Variants in LYRM4 observed in about 807,000 individuals in gnomAD.
The protein encoded by LYRM4 is LYR motif containing 4.
In LYRM4, 9 loss-of-function variants were observed where a neutral mutation model predicts 11.7. The observed-to-expected ratio is 0.77, with a 90% CI of 0.46 to 1.34. LYRM4 has a LOEUF of 1.34. Ranked by LOEUF, LYRM4 falls within the 40% of genes most tolerant of loss-of-function variation. The pLI is 0.00. For missense variants in LYRM4, 133 were observed against 112.5 expected (o/e 1.18, Z -0.82); for synonymous variants, 42 against 40.4 (o/e 1.04, Z -0.15).
At chr6:5,092,441 G>A in the LYRM4 span, among the ~76,000 whole-genome samples, 1 of 152,134 alleles carries the variant, frequency 6.6e-6, no homozygotes, top group Admixed American at 6.5e-5. Flanking sequence ...GCCGGGTGTG[G>A]TGGCTCACGC....
chr6:5,064,319 A>G, the LYRM4 span, among the ~76,000 whole-genome samples: 4 of 152,106 alleles, frequency 2.6e-5, no homozygotes, highest in Non-Finnish European at 2.9e-5. Flanking sequence ...ATGTTTGTCT[A>G]TTTGTCTTTA....
the LYRM4 span, chr6:5,031,809 T>G: frequency 6.6e-6 from 1 of 152,228 alleles, no homozygotes; most frequent in East Asian, 1.9e-4. Flanking sequence ...TCTTCTTGTT[T>G]CCTGTTATTT....
intron 1 of LYRM4, among the ~76,000 whole-genome samples, chr6:5,240,174 C>T (rs985889852): frequency 6.6e-6 from 1 of 152,146 alleles, no homozygotes; most frequent in Non-Finnish European, 1.5e-5. Context: ...TACAGTACAT[C>T]CAACCTTTCC....
chr6:5,176,920 A>G (rs1370394650), intron 2 of LYRM4, among the ~76,000 whole-genome samples: 4 of 152,218 alleles, frequency 2.6e-5, no homozygotes, highest in African/African-American at 9.7e-5. Flanking sequence ...ACAAATGAGT[A>G]GTGTTGTCCA....
At chr6:5,077,126 C>A in the LYRM4 span, among the ~76,000 whole-genome samples, 4 of 152,158 alleles carry the variant, frequency 2.6e-5, no homozygotes, top group Admixed American at 6.6e-5. Flanking sequence ...GGGTCAGCTT[C>A]CCCTGAGCCA....
chr6:5,146,092 A>T (rs1355048242), intron 2 of LYRM4, among the ~76,000 whole-genome samples: 3 of 152,232 alleles, frequency 2.0e-5, no homozygotes, highest in Non-Finnish European at 4.4e-5. Context: ...CTCATGGCAC[A>T]TGGTGCTTCT....
intron 1 of LYRM4, among the ~76,000 whole-genome samples, chr6:5,228,886 C>T (rs1406280304): frequency 6.6e-6 from 1 of 150,954 alleles, no homozygotes; most frequent in Non-Finnish European, 1.5e-5. Flanking sequence ...CACCTGTAGT[C>T]CCAGCTACTC....
chr6:5,136,885 C>T (rs1757127936), intron 2 of LYRM4: 9 of 946,412 alleles, frequency 9.5e-6, no homozygotes, highest in Non-Finnish European at 1.0e-5. Flanking sequence ...TTAAAGTGTA[C>T]AATTCAATGG....
At chr6:5,157,004 AG>A (rs1187506568) in intron 2 of LYRM4, among the ~76,000 whole-genome samples, 3 of 152,180 alleles carry the variant, frequency 2.0e-5, no homozygotes, top group Non-Finnish European at 2.9e-5. Flanking sequence ...TTTCCTGGTA[AG>A]TAAGAATAAA....
chr6:5,242,032 A>G (rs577722445), intron 1 of LYRM4, among the ~76,000 whole-genome samples: 4 of 151,342 alleles, frequency 2.6e-5, no homozygotes, highest in African/African-American at 9.7e-5. Context: ...CAAGGCCTTC[A>G]CACACACATT....
At chr6:5,245,532 G>C (rs921592234) in intron 1 of LYRM4, among the ~76,000 whole-genome samples, 1 of 152,062 alleles carries the variant, frequency 6.6e-6, no homozygotes, top group Admixed American at 6.6e-5. Context: ...CTTTGCATAC[G>C]GTGTCTGGAA....
intron 2 of LYRM4, among the ~76,000 whole-genome samples, chr6:5,188,877 C>T (rs1379984389): frequency 6.6e-6 from 1 of 152,188 alleles, no homozygotes; most frequent in African/African-American, 2.4e-5. Context: ...AATCCTCTCA[C>T]CTCAGCCTCG....
intron 2 of LYRM4, among the ~76,000 whole-genome samples, chr6:5,124,475 TC>T (rs1412202113): frequency 6.6e-6 from 1 of 152,200 alleles, no homozygotes; most frequent in African/African-American, 2.4e-5. Context: ...TTGTTCTTTC[TC>T]CTCTTTTCCA....
rs1286196321 is a variant in LYRM4 at position 5,186,563 on chromosome 6, A to C, written c.207+30055T>G. 3 of 974,944 alleles carry C rather than the reference A, an allele frequency of 3.1e-6. No homozygotes were observed. The African/African-American group carries it at 5.3e-5, about 17-fold the overall frequency. The allele number at this position is 974,944 out of a possible 1,614,324, so 60.4% of individuals were successfully genotyped here. A position where few individuals can be genotyped will look rare whatever the true frequency, so the allele number is the denominator to read the frequency against. ...CAAAATAAATTCAAATTACTTCAAAAACTAAACATTTAAAAAATCTACAAA... is the reference window on the plus strand; with the variant it reads ...CAAAATAAATTCAAATTACTTCAAACACTAAACATTTAAAAAATCTACAAA... On this transcript the variant is annotated intron_variant, in intron 2 of 2. Coordinates refer to ENST00000330636, the MANE Select transcript of LYRM4 (RefSeq NM_020408.6).
the LYRM4 span, among the ~76,000 whole-genome samples, chr6:5,074,303 G>A: frequency 4.5e-4 from 69 of 151,820 alleles, no homozygotes; most frequent in African/African-American, 1.6e-3. Flanking sequence ...TACTGACTAG[G>A]TCAGTCTAGA....
intron 2 of LYRM4, among the ~76,000 whole-genome samples, chr6:5,210,475 G>C (rs1761935959): frequency 1.3e-5 from 2 of 151,488 alleles, no homozygotes. Flanking sequence ...AAAAACCAAT[G>C]ACTGGCTATA....
the LYRM4 span, among the ~76,000 whole-genome samples, chr6:5,057,686 G>T: frequency 1.3e-5 from 2 of 149,990 alleles, no homozygotes; most frequent in Non-Finnish European, 3.0e-5. Flanking sequence ...CAGCACTCTA[G>T]CCTGGGCGAC....
At chr6:5,036,305 G>A in the LYRM4 span, among the ~76,000 whole-genome samples, 2 of 152,168 alleles carry the variant, frequency 1.3e-5, no homozygotes, top group Non-Finnish European at 1.5e-5. Context: ...TAATTTACAC[G>A]TGTGTTAATT....
At chr6:5,186,208 C>T (rs2746222) in intron 2 of LYRM4, among the ~76,000 whole-genome samples, 13 of 151,910 alleles carry the variant, frequency 8.6e-5, no homozygotes, top group South Asian at 2.1e-4. Flanking sequence ...CTTGAAAGCC[C>T]GGAAGCCAAA....
Sources: gnomAD v4.1 joint callset for allele counts (sites outside exome capture counted in the v4.1 genomes callset) on GRCh38, gnomAD v4.1.1 for gene constraint, MANE v1.5 for transcripts, NCBI Gene and HGNC (gene_info 2026-07-23, HGNC 2026-07-21) for gene names.